The following WWC2 variants were observed in gnomAD, a reference collection of about 807,000 sequenced individuals.
WWC2 encodes the protein protein WWC2.
A neutral mutation model predicts 138.5 loss-of-function variants in WWC2; 101 were observed. The ratio of observed to expected loss-of-function variants is 0.73; its 90% confidence interval spans 0.62 to 0.86. The LOEUF (loss-of-function observed/expected upper bound fraction) is 0.86, where lower values mean the gene tolerates loss of function less well. WWC2 is among the 40% of genes least tolerant of loss of function. WWC2 has a pLI of 0.00. For missense variants in WWC2, 1,420 were observed against 1,419.4 expected (o/e 1.00, Z -0.01); for synonymous variants, 558 against 538.4 (o/e 1.04, Z -0.50).
At chr4:183,151,600 A>G (rs1419218787) in intron 1 of WWC2, among the ~76,000 whole-genome samples, 1 of 152,194 alleles carries the variant, frequency 6.6e-6, no homozygotes, top group Non-Finnish European at 1.5e-5. Context: ...TGTTTTAGAC[A>G]TGAAGTCCTT....
rs565397376 is a variant in WWC2, at chr4:183,240,356, T to G, written c.602+94T>G. 347 of 1,000,120 alleles carry G rather than the reference T, an allele frequency of 3.5e-4. 6 individuals carry two copies. In the South Asian group the frequency reaches 7.2e-3, roughly 21 times the overall value. The allele number at this position is 1,000,120 out of a possible 1,614,324, so 62.0% of individuals were successfully genotyped here. A position where few individuals can be genotyped will look rare whatever the true frequency, so the allele number is the denominator to read the frequency against. Reference sequence around the variant, plus strand: ...AAGTACAGATTACATAAGCGATTTCTTAAAGAAACGTAAAGTAAAAAAGTT... The same window carrying G: ...AAGTACAGATTACATAAGCGATTTCGTAAAGAAACGTAAAGTAAAAAAGTT... On this transcript the variant is annotated intron_variant, in intron 5 of 22. Transcript: ENST00000403733.
At chr4:183,182,067 G>T (rs988440908) in intron 1 of WWC2, among the ~76,000 whole-genome samples, 1 of 152,068 alleles carries the variant, frequency 6.6e-6, no homozygotes, top group Non-Finnish European at 1.5e-5. Flanking sequence ...AAAAAACATA[G>T]CCTAGAGTGA....
At chr4:183,104,161 C>T (rs1444504003) in intron 1 of WWC2, among the ~76,000 whole-genome samples, 1 of 152,122 alleles carries the variant, frequency 6.6e-6, no homozygotes, top group East Asian at 1.9e-4. Context: ...GGTGGCGTTT[C>T]ATCATGTTGG....
intron 4 of WWC2, among the ~76,000 whole-genome samples, chr4:183,239,151 C>T (rs1736532224): frequency 6.6e-6 from 1 of 152,078 alleles, no homozygotes; most frequent in Non-Finnish European, 1.5e-5. Context: ...CCCATCTCTA[C>T]TAAAAACACA....
intron 4 of WWC2, 121 bp downstream of exon 4, chr4:183,209,146 T>A: frequency 1.6e-6 from 1 of 644,610 alleles, no homozygotes; most frequent in Admixed American, 2.8e-5. Flanking sequence ...TCCCCTTATC[T>A]CTGATGAGTG....
chr4:183,141,910 G>A (rs1030852085), intron 1 of WWC2, among the ~76,000 whole-genome samples: 1 of 152,220 alleles, frequency 6.6e-6, no homozygotes, highest in East Asian at 1.9e-4. Flanking sequence ...AAGCTTAGCA[G>A]AGACAAGGCT....
In WWC2 at chr4:183,212,815, T is replaced by C. The variant is rs542584171; in HGVS notation, c.522+3790T>C. Among the ~76,000 whole-genome samples, 3 of 152,280 alleles carry C rather than the reference T, an allele frequency of 2.0e-5. No homozygotes were observed. In the South Asian group the frequency reaches 6.2e-4, roughly 32 times the overall value. On this transcript the variant is annotated intron_variant, in intron 4 of 22. Transcript: ENST00000403733. Reference sequence around the variant, plus strand: ...CAAGTGGTCACATTCCCCAGAATTGTCTTCTAATGTAGCGGAATCTCTTAG... The same window carrying C: ...CAAGTGGTCACATTCCCCAGAATTGCCTTCTAATGTAGCGGAATCTCTTAG...
At chr4:183,284,194 A>T in intron 18 of WWC2, 32 bp from the exon 19 acceptor site, 2 of 1,605,674 alleles carry the variant, frequency 1.2e-6, no homozygotes, top group Admixed American at 1.7e-5. Flanking sequence ...CACATCTTTC[A>T]GCTCCTGACA....
At chr4:183,134,319 C>CTG (rs1215133814) in intron 1 of WWC2, among the ~76,000 whole-genome samples, 31 of 145,896 alleles carry the variant, frequency 2.1e-4, no homozygotes, top group Admixed American at 3.4e-4. Flanking sequence ...GTTGATTTTA[C>CTG]TATTTTTTTT....
At chr4:183,224,488 CTG>C (rs1270252553) in intron 4 of WWC2, among the ~76,000 whole-genome samples, 7 of 152,212 alleles carry the variant, frequency 4.6e-5, no homozygotes, top group African/African-American at 1.7e-4. Context: ...AAATTATAAA[CTG>C]TGCCATATCT....
At chr4:183,214,559 G>A (rs1426448251) in intron 4 of WWC2, among the ~76,000 whole-genome samples, 1 of 152,076 alleles carries the variant, frequency 6.6e-6, no homozygotes, top group Non-Finnish European at 1.5e-5. Context: ...TTGGGAGGTC[G>A]AGGTGGGCGG....
At chr4:183,260,883 T>C (rs1737299809) in intron 10 of WWC2, 27 bp from the exon 11 acceptor site, 1 of 1,609,010 alleles carries the variant, frequency 6.2e-7, no homozygotes, top group African/African-American at 1.3e-5. Context: ...GTAACAGATT[T>C]TATGGTGTGT....
At chr4:183,295,682 T>C (rs182403395) in intron 21 of WWC2, among the ~76,000 whole-genome samples, 21 of 152,348 alleles carry the variant, frequency 1.4e-4, no homozygotes, top group African/African-American at 4.1e-4. Flanking sequence ...GAAACAGTTT[T>C]CTGCTGTTTT....
chr4:183,163,770 A>T (rs1448091100), intron 1 of WWC2, among the ~76,000 whole-genome samples: 1 of 152,088 alleles, frequency 6.6e-6, no homozygotes, highest in African/African-American at 2.4e-5. Context: ...CAATTTTGTG[A>T]AGAGATGGTG....
At chr4:183,228,318 A>G (rs914820992) in intron 4 of WWC2, among the ~76,000 whole-genome samples, 7 of 152,130 alleles carry the variant, frequency 4.6e-5, no homozygotes, top group Non-Finnish European at 8.8e-5. Flanking sequence ...AAAATCCACA[A>G]TCATAGTGAG....
intron 8 of WWC2, among the ~76,000 whole-genome samples, chr4:183,253,346 A>G (rs1737035364): frequency 6.6e-6 from 1 of 152,136 alleles, no homozygotes. Context: ...GGCATCTCAG[A>G]CATCATTCAC....
intron 2 of WWC2, among the ~76,000 whole-genome samples, chr4:183,203,104 A>G (rs762014709): frequency 1.1e-4 from 16 of 151,968 alleles, no homozygotes; most frequent in Non-Finnish European, 1.8e-4. Flanking sequence ...AACTACTGGG[A>G]TATTACATCT....
intron 4 of WWC2, among the ~76,000 whole-genome samples, chr4:183,239,114 A>G (rs1736530589): frequency 6.6e-6 from 1 of 152,200 alleles, no homozygotes; most frequent in African/African-American, 2.4e-5. Flanking sequence ...CTGGAGTTCG[A>G]GACCAGCCTG....
chr4:183,317,802 T>G lies in WWC2; in HGVS notation c.*2073T>G, dbSNP rs371804641. The stretch of plus-strand genomic sequence containing the variant: ...TTGACTTTTTGTAATACAAAAAGTT[T>G]CAGACAAGTATTAAAGAATAAAATC... On this transcript the variant is annotated 3_prime_UTR_variant, in exon 23 of 23. Transcript: ENST00000403733. 1.6e-4 allele frequency: 25 copies of G among 152,322 alleles called. No individual in the cohort carries two copies. Among genetic ancestry groups the G allele is most frequent in the East Asian group, 1.2e-3 (6 of 5,190 alleles). 9.4% of individuals were successfully genotyped at this position (152,322 alleles called of 1,614,324 possible). A position where few individuals can be genotyped will look rare whatever the true frequency, so the allele number is the denominator to read the frequency against.
Sources: allele counts gnomAD v4.1 joint callset (sites outside exome capture counted in the v4.1 genomes callset), GRCh38; gene constraint gnomAD v4.1.1; transcripts MANE v1.5; gene names NCBI Gene and HGNC (gene_info 2026-07-23, HGNC 2026-07-21).